Variants in CTNNA3 observed in about 807,000 individuals in gnomAD.
The protein encoded by CTNNA3 is catenin alpha 3.
Under a neutral mutation model 95.7 loss-of-function variants are expected in CTNNA3, and 76 were observed. That is an observed-to-expected ratio of 0.79 (90% CI 0.66 to 0.96). CTNNA3 has a LOEUF of 0.96. Ranked by LOEUF, CTNNA3 falls within the 40% of genes least tolerant of loss-of-function variation. The pLI is 0.00. For missense variants in CTNNA3, 1,191 were observed against 1,089.8 expected, an observed-to-expected ratio of 1.09 and a Z score of -1.31; for synonymous variants, 431 against 374.4, an observed-to-expected ratio of 1.15 and a Z score of -1.74.
rs2076955055 is a variant in CTNNA3 at position 65,912,555 on chromosome 10, AAC to A, written c.*7773_*7774del. 1 of 152,168 alleles carries A rather than the reference AAC, an allele frequency of 6.6e-6. No individual in the cohort carries two copies. The highest frequency in any genetic ancestry group is 1.5e-5 in the Non-Finnish European group (1 of 68,030). The allele number at this position is 152,168 out of a possible 1,614,324, so 9.4% of individuals were successfully genotyped here. On this transcript the variant is annotated 3_prime_UTR_variant, in exon 18 of 18. Coordinates refer to ENST00000433211, the MANE Select transcript of CTNNA3 (RefSeq NM_013266.4). ...CCAATCTTTTCATTTTTATTGCTTT[AAC>A]ACACATTTTAATTTTCAGTTGAACA...
At chr10:66,782,813 T>C (rs1840593450) in intron 7 of CTNNA3, among the ~76,000 whole-genome samples, 1 of 152,134 alleles carries the variant, frequency 6.6e-6, no homozygotes, top group Non-Finnish European at 1.5e-5. Context: ...TTTTATTAAA[T>C]CAGTGTTTTT....
At chr10:67,137,213 A>C (rs1410758646) in intron 7 of CTNNA3, among the ~76,000 whole-genome samples, 1 of 152,164 alleles carries the variant, frequency 6.6e-6, no homozygotes, top group African/African-American at 2.4e-5. Flanking sequence ...AAGTCTACAG[A>C]TAGATGGAAA....
chr10:66,926,517 G>T (rs978019448), intron 7 of CTNNA3: 220 of 1,578,086 alleles, frequency 1.4e-4, no homozygotes, highest in Admixed American at 7.8e-4. Context: ...GCTGACAGGG[G>T]CTGTCATGCA....
chr10:67,181,825 G>C (rs1438984288), intron 6 of CTNNA3, among the ~76,000 whole-genome samples: 5 of 151,706 alleles, frequency 3.3e-5, no homozygotes, highest in Non-Finnish European at 7.4e-5. Context: ...AAAAGATATA[G>C]TTTTAAAACA....
chr10:66,318,048 T>C (rs906831552), intron 12 of CTNNA3, among the ~76,000 whole-genome samples: 3 of 152,024 alleles, frequency 2.0e-5, no homozygotes, highest in Non-Finnish European at 4.4e-5. Flanking sequence ...TGCTTGAAAG[T>C]TTTAAAATAA....
rs561566012 is a variant in CTNNA3, at chr10:66,432,140, A to G, written c.1532-52788T>C. Among the ~76,000 whole-genome samples the G allele has an allele frequency of 3.9e-5, 6 of 152,232 alleles. No individual in the cohort carries two copies. The South Asian group carries it at 1.0e-3, about 26-fold the overall frequency. The stretch of plus-strand genomic sequence containing the variant: ...AGTATGGTATTTAATAATAAAAAAC[A>G]AATTTAGAACAATAAAAGGTTAAGA... On this transcript the variant is annotated intron_variant, in intron 11 of 17. Transcript: ENST00000433211.
At chr10:66,952,808 C>T (rs969723760) in intron 7 of CTNNA3, among the ~76,000 whole-genome samples, 1 of 151,798 alleles carries the variant, frequency 6.6e-6, no homozygotes. Context: ...AAAATTAGCC[C>T]TGCTTGTAAT....
At chr10:66,441,911 G>A (rs2456669) in intron 11 of CTNNA3, among the ~76,000 whole-genome samples, 31,663 of 152,088 alleles carry the variant, frequency 0.21, 3,705 homozygotes, top group Middle Eastern at 0.31. Context: ...GACTTGTTCA[G>A]TGCTATCTAA....
chr10:66,061,760 A>G (rs1375669026), intron 15 of CTNNA3, among the ~76,000 whole-genome samples: 2 of 151,986 alleles, frequency 1.3e-5, no homozygotes, highest in African/African-American at 2.4e-5. Flanking sequence ...TCCATGACTC[A>G]ACCCCACACC....
chr10:67,190,625 T>C (rs1271949565), intron 6 of CTNNA3, among the ~76,000 whole-genome samples: 1 of 152,038 alleles, frequency 6.6e-6, no homozygotes, highest in Non-Finnish European at 1.5e-5. Context: ...ACTAATTATT[T>C]TGGAATCAAA....
chr10:67,486,977 C>G (rs920857996), intron 5 of CTNNA3, among the ~76,000 whole-genome samples: 1 of 151,928 alleles, frequency 6.6e-6, no homozygotes, highest in East Asian at 1.9e-4. Flanking sequence ...ATATTGATAC[C>G]AATCCAAAAA....
chr10:66,626,817 A>C lies in CTNNA3; in HGVS notation c.1282-5033T>G, dbSNP rs1844951038. 2.0e-5 allele frequency among the ~76,000 whole-genome samples: 3 copies of C among 152,102 alleles called. No homozygotes were observed. The South Asian group carries it at 6.2e-4, about 32-fold the overall frequency. ...TCTGTCAAGATATTCTGATACATTA[A>C]GTGTGTATACGCATGGAAGACAGAG... On this transcript the variant is annotated intron_variant, in intron 9 of 17. Transcript: ENST00000433211.
chr10:66,140,839 A>C (rs554578119), intron 13 of CTNNA3, among the ~76,000 whole-genome samples: 32 of 152,326 alleles, frequency 2.1e-4, no homozygotes, highest in African/African-American at 7.5e-4. Context: ...CTTCTCTCTT[A>C]CTTTAGTCTA....
At chr10:67,750,328 T>C (rs940853008) in intron 1 of CTNNA3, 1 of 1,524,232 alleles carries the variant, frequency 6.6e-7, no homozygotes. Flanking sequence ...AGATGCCCAT[T>C]GTGGGCCTGG....
intron 5 of CTNNA3, among the ~76,000 whole-genome samples, chr10:67,456,721 T>C (rs1377734687): frequency 1.3e-5 from 2 of 152,174 alleles, no homozygotes; most frequent in African/African-American, 4.8e-5. Flanking sequence ...AATTGTGTTT[T>C]AAACTGCTGT....
intron 10 of CTNNA3, among the ~76,000 whole-genome samples, chr10:66,611,030 T>G (rs1160641207): frequency 6.6e-6 from 1 of 152,106 alleles, no homozygotes; most frequent in Admixed American, 6.6e-5. Flanking sequence ...GAGGTCACTA[T>G]GTTAAGTAAA....
intron 5 of CTNNA3, among the ~76,000 whole-genome samples, chr10:67,246,933 T>C (rs1341060875): frequency 2.6e-5 from 4 of 152,208 alleles, no homozygotes; most frequent in Non-Finnish European, 5.9e-5. Context: ...TCAATGTGAG[T>C]GGTACTTTCA....
In CTNNA3 at chr10:67,279,772, C is replaced by G. The variant is rs778239586; in HGVS notation, c.580-59902G>C. On this transcript the variant is annotated intron_variant, in intron 5 of 17. Coordinates refer to ENST00000433211, the MANE Select transcript of CTNNA3 (RefSeq NM_013266.4). Reference sequence around the variant, plus strand: ...ACAAAATCTAACCTCCTAAAGCCACCCAGCTAGTTCCAGTCACAGCCAGAT... The same window carrying G: ...ACAAAATCTAACCTCCTAAAGCCACGCAGCTAGTTCCAGTCACAGCCAGAT... Among the ~76,000 whole-genome samples the G allele has an allele frequency of 1.6e-4, 24 of 150,126 alleles. 3 individuals are homozygous for G. Among genetic ancestry groups the G allele is most frequent in the Non-Finnish European group, 3.0e-4 (20 of 67,610 alleles).
chr10:66,810,935 T>G (rs927569664), intron 7 of CTNNA3, among the ~76,000 whole-genome samples: 2 of 152,192 alleles, frequency 1.3e-5, no homozygotes, highest in Non-Finnish European at 2.9e-5. Context: ...CTCCCTGTCT[T>G]CATTTCATCT....
Sources: allele counts gnomAD v4.1 joint callset (sites outside exome capture counted in the v4.1 genomes callset), GRCh38; gene constraint gnomAD v4.1.1; transcripts MANE v1.5; gene names NCBI Gene and HGNC (gene_info 2026-07-23, HGNC 2026-07-21).